Variants in SAMD5 observed in about 807,000 individuals in gnomAD.
The protein encoded by SAMD5 is sterile alpha motif domain-containing protein 5.
A neutral mutation model predicts 11.3 loss-of-function variants in SAMD5; 13 were observed. The observed-to-expected ratio is 1.15, with a 90% CI of 0.75 to 1.83. SAMD5 has a LOEUF of 1.83. Among genes scored for constraint, SAMD5 ranks in the 40% most tolerant of loss-of-function variants. The pLI, the probability that SAMD5 is intolerant of heterozygous loss-of-function variation, is 0.00. For missense variants in SAMD5, 255 were observed against 239.1 expected (o/e 1.07, Z -0.44); for synonymous variants, 129 against 111.3 (o/e 1.16, Z -1.00).
the SAMD5 span, among the ~76,000 whole-genome samples, chr6:147,909,626 T>TCTCTCTCTCTCTC: frequency 1.7e-5 from 1 of 59,276 alleles, no homozygotes; most frequent in African/African-American, 8.6e-5. Flanking sequence ...CTTTCTTTCT[T>TCTCTCTCTCTCTC]TCTTTCTCTT....
chr6:147,640,583 GC>G (rs1478186034), intron 1 of SAMD5, among the ~76,000 whole-genome samples: 1 of 149,342 alleles, frequency 6.7e-6, no homozygotes, highest in East Asian at 2.0e-4. Context: ...CAAGGAGGAA[GC>G]CTTAAGCATG....
At chr6:147,726,518 G>A (rs1791628773) in intron 1 of SAMD5, among the ~76,000 whole-genome samples, 1 of 152,086 alleles carries the variant, frequency 6.6e-6, no homozygotes, top group Non-Finnish European at 1.5e-5. Flanking sequence ...GGCCTGCCTG[G>A]GGCCCAGGCC....
the SAMD5 span, among the ~76,000 whole-genome samples, chr6:147,817,196 A>G: frequency 1.3e-5 from 2 of 152,214 alleles, no homozygotes; most frequent in African/African-American, 4.8e-5. Context: ...TGAGGGCCAC[A>G]TTATGTCATA....
chr6:147,524,202 C>T lies in SAMD5; in HGVS notation c.459+14815C>T, dbSNP rs994828984. ...GAAAATGGTGGTGAATTGACTCTTC[C>T]GCTCTTCTTCTGATCACTTCTCCAA... On this transcript the variant is annotated intron_variant, in intron 1 of 1. Coordinates refer to ENST00000367474, the MANE Select transcript of SAMD5 (RefSeq NM_001030060.3). Among the ~76,000 whole-genome samples, 7 of 151,938 alleles carry T rather than the reference C, an allele frequency of 4.6e-5. No individual in the cohort carries two copies. In the East Asian group the frequency reaches 7.7e-4, roughly 17 times the overall value.
chr6:147,722,872 T>C (rs1054968554), intron 1 of SAMD5, among the ~76,000 whole-genome samples: 7 of 152,334 alleles, frequency 4.6e-5, no homozygotes, highest in East Asian at 1.9e-4. Flanking sequence ...TCTGTAGTTA[T>C]GTTGGGCCTG....
intron 1 of SAMD5, among the ~76,000 whole-genome samples, chr6:147,708,726 A>T (rs1791358132): frequency 6.6e-6 from 1 of 152,244 alleles, no homozygotes; most frequent in African/African-American, 2.4e-5. Context: ...GATCGACTGT[A>T]TCCAATTGTG....
At chr6:147,758,513 T>G in the SAMD5 span, among the ~76,000 whole-genome samples, 1 of 152,220 alleles carries the variant, frequency 6.6e-6, no homozygotes. Context: ...TCAGTGATGT[T>G]GCAAATGTTT....
chr6:147,553,893 G>A (rs748372019), intron 1 of SAMD5, among the ~76,000 whole-genome samples: 1 of 152,056 alleles, frequency 6.6e-6, no homozygotes, highest in Non-Finnish European at 1.5e-5. Context: ...AATTGGAGAC[G>A]AGGTAATGGG....
the SAMD5 span, among the ~76,000 whole-genome samples, chr6:147,835,247 C>CAAA: frequency 1.4e-5 from 2 of 137,960 alleles, no homozygotes; most frequent in Non-Finnish European, 3.1e-5. Flanking sequence ...AAAAAAAAAA[C>CAAA]AAAAAAAACA....
intron 1 of SAMD5, among the ~76,000 whole-genome samples, chr6:147,621,924 T>C (rs1033677105): frequency 2.6e-5 from 4 of 152,224 alleles, no homozygotes; most frequent in African/African-American, 9.6e-5. Flanking sequence ...AGTATTTTCT[T>C]ACCTGTAGCC....
At chr6:147,700,818 G>A (rs1184053391) in intron 1 of SAMD5, among the ~76,000 whole-genome samples, 1 of 152,220 alleles carries the variant, frequency 6.6e-6, no homozygotes, top group Non-Finnish European at 1.5e-5. Context: ...GGAAACTGAA[G>A]TCACAGATTA....
chr6:147,676,379 T>A (rs1343989703), intron 1 of SAMD5, among the ~76,000 whole-genome samples: 2 of 152,146 alleles, frequency 1.3e-5, no homozygotes, highest in Non-Finnish European at 2.9e-5. Flanking sequence ...AAAGATCATC[T>A]ATTCAGTGGG....
chr6:147,795,806 CTGATGGCCAG>C, the SAMD5 span, among the ~76,000 whole-genome samples: 1 of 151,184 alleles, frequency 6.6e-6, no homozygotes, highest in Non-Finnish European at 1.5e-5. Context: ...TTGCATTTCT[CTGATGGCCAG>C]TGATGGTGAG....
chr6:147,672,196 A>G (rs1374920059), intron 1 of SAMD5, among the ~76,000 whole-genome samples: 2 of 152,032 alleles, frequency 1.3e-5, no homozygotes, highest in Non-Finnish European at 2.9e-5. Context: ...TTGTGAATGG[A>G]AAATTTTCCA....
chr6:147,783,011 A>T, the SAMD5 span, among the ~76,000 whole-genome samples: 2 of 152,240 alleles, frequency 1.3e-5, no homozygotes, highest in Non-Finnish European at 2.9e-5. Flanking sequence ...CAACAAGATT[A>T]AAAGAGTGTT....
At chr6:147,560,897 A>T (rs182757625) in intron 1 of SAMD5, among the ~76,000 whole-genome samples, 3 of 152,224 alleles carry the variant, frequency 2.0e-5, no homozygotes, top group Non-Finnish European at 2.9e-5. Flanking sequence ...TGAAACTGAG[A>T]AAGTCACAAC....
At chr6:147,814,048 G>A in the SAMD5 span, among the ~76,000 whole-genome samples, 2 of 152,014 alleles carry the variant, frequency 1.3e-5, no homozygotes, top group Non-Finnish European at 2.9e-5. Context: ...TATTTTTCAG[G>A]GTCTATGCAA....
the SAMD5 span, among the ~76,000 whole-genome samples, chr6:147,801,651 G>A: frequency 2.6e-5 from 4 of 152,124 alleles, no homozygotes; most frequent in Non-Finnish European, 5.9e-5. Context: ...GTCCTTTAGA[G>A]AAGGAAAACT....
the SAMD5 span, among the ~76,000 whole-genome samples, chr6:147,884,074 T>G: frequency 2.0e-5 from 3 of 152,236 alleles, no homozygotes; most frequent in Non-Finnish European, 4.4e-5. Context: ...GGTTTTGTTT[T>G]TGTTTTTGTT....
Sources: gnomAD v4.1 joint callset for allele counts (sites outside exome capture counted in the v4.1 genomes callset) on GRCh38, gnomAD v4.1.1 for gene constraint, MANE v1.5 for transcripts, NCBI Gene and HGNC (gene_info 2026-07-23, HGNC 2026-07-21) for gene names.